The following SGIP1 variants were observed in gnomAD, a reference collection of about 807,000 sequenced individuals.
The protein encoded by SGIP1 is SH3-containing GRB2-like protein 3-interacting protein 1.
SGIP1 carries 38 observed loss-of-function variants against 107.5 expected under a neutral mutation model. That is an observed-to-expected ratio of 0.35 (90% confidence interval 0.27 to 0.46). SGIP1 has a LOEUF of 0.46. SGIP1 is among the 20% of genes least tolerant of loss of function. SGIP1 has a pLI of 1.00. For synonymous variants in SGIP1, 365 were observed against 366.1 expected (o/e 1.00, Z 0.03); for missense variants, 929 against 1,019.5 (o/e 0.91, Z 1.21).
intron 1 of SGIP1, among the ~76,000 whole-genome samples, chr1:66,545,223 G>A (rs528652765): frequency 1.3e-4 from 20 of 152,290 alleles, no homozygotes; most frequent in African/African-American, 4.8e-4. Flanking sequence ...GCTGTGCAAA[G>A]CTTTCACACA....
At chr1:66,729,946 C>T (rs555434949) in intron 20 of SGIP1, among the ~76,000 whole-genome samples, 29 of 152,212 alleles carry the variant, frequency 1.9e-4, no homozygotes, top group South Asian at 2.1e-4. Context: ...AGATTACAGG[C>T]GCCCACCACC....
At chr1:66,698,820 G>A (rs1419444516) in intron 18 of SGIP1, among the ~76,000 whole-genome samples, 4 of 151,854 alleles carry the variant, frequency 2.6e-5, no homozygotes, top group Non-Finnish European at 5.9e-5. Context: ...ATTCCCTAGA[G>A]TATTTGAACA....
rs1056449400 is a variant in SGIP1, at chr1:66,745,243, T to C, written c.*2148T>C. ...ACATAGATTACAGTAATCTCTAACA[T>C]TATTCAAATCTTTCTAGGGATTAAA... On this transcript the variant is annotated 3_prime_UTR_variant, in exon 25 of 25. Transcript: ENST00000371037. 2 of 152,022 alleles carry C rather than the reference T, an allele frequency of 1.3e-5. No homozygotes were observed. The highest frequency in any genetic ancestry group is 2.9e-5 in the Non-Finnish European group (2 of 67,904). 9.4% of individuals were successfully genotyped at this position (152,022 alleles called of 1,614,324 possible). A position where few individuals can be genotyped will look rare whatever the true frequency, so the allele number is the denominator to read the frequency against.
At position 66,744,030 on chromosome 1, in the gene SGIP1, A is replaced by G. The variant is rs558954277; in HGVS notation, c.*935A>G. The stretch of plus-strand genomic sequence containing the variant: ...GAATTTTTGCTTAGTTACTCTGAAT[A>G]GATGATCTTACTCATCCAGTATGGG... On this transcript the variant is annotated 3_prime_UTR_variant, in exon 25 of 25. Coordinates refer to ENST00000371037, the MANE Select transcript of SGIP1 (RefSeq NM_032291.4). 9 of 152,278 alleles carry G rather than the reference A, an allele frequency of 5.9e-5. No homozygotes were observed. The South Asian group carries it at 1.9e-3, about 32-fold the overall frequency. 9.4% of individuals were successfully genotyped at this position (152,278 alleles called of 1,614,324 possible).
At chr1:66,572,397 C>T (rs1199126699) in intron 1 of SGIP1, among the ~76,000 whole-genome samples, 1 of 151,998 alleles carries the variant, frequency 6.6e-6, no homozygotes, top group Non-Finnish European at 1.5e-5. Context: ...AACACTGAGA[C>T]TTGATTCCTT....
intron 14 of SGIP1, among the ~76,000 whole-genome samples, chr1:66,680,133 G>T (rs533727963): frequency 6.6e-6 from 1 of 152,242 alleles, no homozygotes; most frequent in South Asian, 2.1e-4. Context: ...TTTTTCAAGA[G>T]AATTTTGCTA....
chr1:66,602,554 T>A (rs1335720545), intron 1 of SGIP1, among the ~76,000 whole-genome samples: 1 of 152,110 alleles, frequency 6.6e-6, no homozygotes, highest in Non-Finnish European at 1.5e-5. Flanking sequence ...GACGAGTTAA[T>A]GGTTGCAGCA....
At chr1:66,718,742 T>G (rs1412069392) in intron 18 of SGIP1, among the ~76,000 whole-genome samples, 1 of 152,112 alleles carries the variant, frequency 6.6e-6, no homozygotes, top group African/African-American at 2.4e-5. Flanking sequence ...TAAGTCGATG[T>G]GTATAGTTTG....
rs147961306 is a variant in SGIP1, at chr1:66,649,952, G to A, written c.459+6233G>A. ...CTTGGTTTCTTCATCTATTAATGGG[G>A]TGACTCCCATACCTACTTCATTGGG... is the stretch of plus-strand genomic sequence containing the variant. On this transcript the variant is annotated intron_variant, in intron 7 of 24. Transcript: ENST00000371037. 3.2e-3 allele frequency among the ~76,000 whole-genome samples: 481 copies of A among 152,198 alleles called. 2 individuals are homozygous for A. The highest frequency in any genetic ancestry group is 0.011 in the African/African-American group (452 of 41,530).
intron 1 of SGIP1, among the ~76,000 whole-genome samples, chr1:66,589,257 T>G: frequency 7.2e-6 from 1 of 138,592 alleles, no homozygotes; most frequent in East Asian, 2.0e-4. Context: ...GATTCAGAAA[T>G]TTCTCATGAC....
At chr1:66,563,511 C>T (rs2148485286) in intron 1 of SGIP1, among the ~76,000 whole-genome samples, 2 of 152,158 alleles carry the variant, frequency 1.3e-5, no homozygotes, top group East Asian at 3.9e-4. Context: ...CCTGGCTCTC[C>T]ATCCACTCGG....
chr1:66,733,457 T>C (rs2094107749), intron 20 of SGIP1, among the ~76,000 whole-genome samples: 1 of 152,190 alleles, frequency 6.6e-6, no homozygotes, highest in African/African-American at 2.4e-5. Flanking sequence ...AATAAATAAT[T>C]CACTCTTTAA....
chr1:66,594,740 C>T (rs1281498683), intron 1 of SGIP1, among the ~76,000 whole-genome samples: 1 of 152,152 alleles, frequency 6.6e-6, no homozygotes, highest in African/African-American at 2.4e-5. Context: ...GAGGGCATCC[C>T]TCTCCTAGCT....
chr1:66,548,324 G>T (rs977109012), intron 1 of SGIP1, among the ~76,000 whole-genome samples: 3 of 151,820 alleles, frequency 2.0e-5, no homozygotes, highest in African/African-American at 4.8e-5. Context: ...TTTATTTGTG[G>T]GAAAGCTGAT....
At chr1:66,633,876 A>T (rs889572621) in intron 3 of SGIP1, among the ~76,000 whole-genome samples, 1 of 152,176 alleles carries the variant, frequency 6.6e-6, no homozygotes, top group Non-Finnish European at 1.5e-5. Flanking sequence ...TGGTTAAAAA[A>T]TTTTTTAAAT....
chr1:66,544,065 T>C (rs2055706525), intron 1 of SGIP1, among the ~76,000 whole-genome samples: 1 of 152,228 alleles, frequency 6.6e-6, no homozygotes, highest in Admixed American at 6.5e-5. Context: ...ACATTACTGC[T>C]TGCTCTTTTG....
rs148672423 is a variant in SGIP1 at position 66,733,766 on chromosome 1, T to C, written c.1917T>C (p.Asp639=). 14 of 1,613,168 alleles carry C rather than the reference T, an allele frequency of 8.7e-6. No individual in the cohort carries two copies. In the African/African-American group the frequency reaches 1.6e-4, roughly 18 times the overall value. Residue 639 remains aspartate (D), a synonymous_variant, in exon 21 of 25, where the codon GAT becomes GAC. Transcript: ENST00000371037. Reference sequence around the variant, plus strand: ...TGAACAGTGATAATACACAAAATGATGCCAATACCAAGGAATTCTGGGTAA... The same window carrying C: ...TGAACAGTGATAATACACAAAATGACGCCAATACCAAGGAATTCTGGGTAA... ...QLLCCDNTQN[D]ANTKEFWVNM... is the part of the protein sequence containing the mutation.
At chr1:66,579,036 C>T (rs941665889) in intron 1 of SGIP1, among the ~76,000 whole-genome samples, 11 of 152,320 alleles carry the variant, frequency 7.2e-5, no homozygotes, top group Admixed American at 2.0e-4. Context: ...TTCAGAGACA[C>T]ATCTCTAACC....
intron 1 of SGIP1, among the ~76,000 whole-genome samples, chr1:66,570,255 C>T (rs952928148): frequency 6.6e-6 from 1 of 151,638 alleles, no homozygotes; most frequent in African/African-American, 2.4e-5. Flanking sequence ...TAAATTCTGC[C>T]ATTATCATCC....
Sources: allele counts gnomAD v4.1 joint callset (sites outside exome capture counted in the v4.1 genomes callset), GRCh38; gene constraint gnomAD v4.1.1; transcripts MANE v1.5; gene names NCBI Gene and HGNC (gene_info 2026-07-23, HGNC 2026-07-21).